KAT6A: variants seen among roughly 807,000 people sequenced by gnomAD.
KAT6A encodes lysine acetyltransferase 6A, also known as histone acetyltransferase KAT6A.
A neutral mutation model predicts 198.4 loss-of-function variants in KAT6A; 9 were observed. The ratio of observed to expected loss-of-function variants is 0.05; its 90% CI spans 0.03 to 0.08. The LOEUF is 0.08. Among genes scored for constraint, KAT6A ranks in the 10% least tolerant of loss-of-function variants. KAT6A has a pLI of 1.00. For missense variants in KAT6A, 2,077 were observed against 2,509.9 expected (o/e 0.83, Z 3.69); for synonymous variants, 890 against 883.0 (o/e 1.01, Z -0.14).
intron 8 of KAT6A, among the ~76,000 whole-genome samples, chr8:41,972,575 C>T (rs1823849953): frequency 6.6e-6 from 1 of 152,104 alleles, no homozygotes; most frequent in Non-Finnish European, 1.5e-5. Flanking sequence ...AAAAATAAAA[C>T]AAGCTCAAAG....
At chr8:42,018,041 A>G (rs745887703) in intron 2 of KAT6A, among the ~76,000 whole-genome samples, 62 of 152,250 alleles carry the variant, frequency 4.1e-4, no homozygotes, top group Non-Finnish European at 6.3e-4. Context: ...TATAGGAGGC[A>G]TGACTAAAGC....
chr8:42,014,427 A>G (rs765209048), intron 2 of KAT6A, among the ~76,000 whole-genome samples: 4 of 152,344 alleles, frequency 2.6e-5, no homozygotes, highest in South Asian at 4.1e-4. Flanking sequence ...TCCACAGAAA[A>G]ATCAATTGAA....
At chr8:42,026,035 T>C (rs1369680967) in intron 2 of KAT6A, among the ~76,000 whole-genome samples, 1 of 152,246 alleles carries the variant, frequency 6.6e-6, no homozygotes, top group African/African-American at 2.4e-5. Flanking sequence ...AAAGAGATTG[T>C]CCTTTCACCA....
In KAT6A at chr8:41,932,281, C is replaced by T. The variant is rs763291738; in HGVS notation, c.5939G>A (p.Gly1980Asp). 3.7e-6 allele frequency: 6 copies of T among 1,614,098 alleles called. No homozygotes were observed. Among genetic ancestry groups the T allele is most frequent in the Non-Finnish European group, 5.1e-6 (6 of 1,179,998 alleles). Residue 1980 changes from glycine to aspartate, a missense_variant, in exon 17 of 17, where the codon GGC (glycine) becomes GAC (aspartate). Gly to Asp is a moderately conservative substitution (Grantham distance 94). This residue lies in a region of KAT6A where 500 missense variants were observed against 577.2 expected (regional missense o/e 0.87). Transcript: ENST00000265713. ...GTTCATGTAGCTGTGATGGGAGGGG[C>T]CTGTGTACATCATGTTCCCATGAGG... ...PNPHGNMMYT[G>D]PSHHSYMNAA...
chr8:42,004,394 CCTT>C (rs1210856229), intron 2 of KAT6A, among the ~76,000 whole-genome samples: 1 of 152,038 alleles, frequency 6.6e-6, no homozygotes, highest in Non-Finnish European at 1.5e-5. Context: ...TAAGCAAAGC[CCTT>C]TTTTTAGACA....
chr8:42,035,485 T>C (rs1587852695), intron 2 of KAT6A, among the ~76,000 whole-genome samples: 1 of 152,120 alleles, frequency 6.6e-6, no homozygotes, highest in African/African-American at 2.4e-5. Context: ...TAGATAACTC[T>C]CTAGAAAACA....
intron 2 of KAT6A, among the ~76,000 whole-genome samples, chr8:42,018,062 C>A (rs1050713173): frequency 6.6e-6 from 1 of 152,166 alleles, no homozygotes; most frequent in Non-Finnish European, 1.5e-5. Flanking sequence ...TGCCAAAGAG[C>A]AATTACTTTA....
In KAT6A at chr8:41,981,827, A is replaced by T; in HGVS notation, c.825+12T>A. On this transcript the variant is annotated intron_variant, in intron 4 of 16. Transcript: ENST00000265713. ...AAATGAAACACCCATATTAGAAGGC[A>T]GAGATACTCACCGCATTTTTGCCTT... 2 of 1,507,206 alleles carry T rather than the reference A, an allele frequency of 1.3e-6. No homozygotes were observed. Among genetic ancestry groups the T allele is most frequent in the South Asian group, 2.3e-5 (2 of 88,694 alleles). The allele number at this position is 1,507,206 out of a possible 1,614,324, so 93.4% of individuals were successfully genotyped here.
chr8:42,020,664 G>A (rs1207769645), intron 2 of KAT6A, among the ~76,000 whole-genome samples: 1 of 152,168 alleles, frequency 6.6e-6, no homozygotes, highest in African/African-American at 2.4e-5. Context: ...TAAAAGATGG[G>A]TTAGTGCTAC....
chr8:41,942,388 C>T, intron 14 of KAT6A: 1 of 254,110 alleles, frequency 3.9e-6, no homozygotes, highest in Non-Finnish European at 7.7e-6. Context: ...TCAAGCAATC[C>T]TCCCGCCTGG....
At chr8:41,964,915 A>C (rs889677243) in intron 8 of KAT6A, among the ~76,000 whole-genome samples, 2 of 152,204 alleles carry the variant, frequency 1.3e-5, no homozygotes, top group African/African-American at 2.4e-5. Flanking sequence ...ATGATAATAA[A>C]ATTCAGACCT....
At chr8:41,936,089 C>A (rs1355936772) in intron 16 of KAT6A, among the ~76,000 whole-genome samples, 1 of 151,950 alleles carries the variant, frequency 6.6e-6, no homozygotes, top group Non-Finnish European at 1.5e-5. Flanking sequence ...TGGTGAAACC[C>A]CGTCTCTACT....
rs575000243 is a variant in KAT6A at position 41,948,407 on chromosome 8, C to G, written c.1741-495G>C. Among the ~76,000 whole-genome samples, 9 of 152,250 alleles carry G rather than the reference C, an allele frequency of 5.9e-5. No homozygotes were observed. In the South Asian group the frequency reaches 1.9e-3, roughly 32 times the overall value. On this transcript the variant is annotated intron_variant, in intron 10 of 16. Transcript: ENST00000265713. Reference sequence around the variant, plus strand: ...CCAGATAAAACTACTTAAGGGGGTACTAACTATTGCCACGCAGAAGCACCA... The same window carrying G: ...CCAGATAAAACTACTTAAGGGGGTAGTAACTATTGCCACGCAGAAGCACCA...
chr8:42,025,267 A>G (rs1826750654), intron 2 of KAT6A, among the ~76,000 whole-genome samples: 2 of 151,902 alleles, frequency 1.3e-5, no homozygotes, highest in African/African-American at 4.8e-5. Context: ...GCTGGAGTGC[A>G]GTGGCATGAT....
chr8:42,000,040 T>C (rs1005867409), intron 2 of KAT6A, among the ~76,000 whole-genome samples: 19 of 152,266 alleles, frequency 1.2e-4, no homozygotes, highest in Admixed American at 1.2e-3. Flanking sequence ...GTTTTAGTTC[T>C]ATTTTAACTT....
chr8:41,955,864 T>C (rs1822894766), intron 8 of KAT6A, among the ~76,000 whole-genome samples: 1 of 152,164 alleles, frequency 6.6e-6, no homozygotes, highest in Non-Finnish European at 1.5e-5. Flanking sequence ...ACACAAAGGA[T>C]GATTTTTTAG....
rs1051866445 is a variant in KAT6A at position 41,931,137 on chromosome 8, CCAA to C, written c.*1065_*1067del. 11 of 222,278 alleles carry C rather than the reference CCAA, an allele frequency of 4.9e-5. No homozygotes were observed. The highest frequency in any genetic ancestry group is 2.9e-4 in the Admixed American group (5 of 17,400). 13.8% of individuals were successfully genotyped at this position (222,278 alleles called of 1,614,324 possible). Reference sequence around the variant, plus strand: ...AATCACTAAAATGTACAGTCATCCACCAACAATTTAAGAAAGAACCTAAGAGGC... The same window carrying C: ...AATCACTAAAATGTACAGTCATCCACCAATTTAAGAAAGAACCTAAGAGGC... On this transcript the variant is annotated 3_prime_UTR_variant, in exon 17 of 17. Coordinates refer to ENST00000265713, the MANE Select transcript of KAT6A (RefSeq NM_006766.5).
chr8:42,032,871 C>CTTTTTTTTTTTTTTTTTTTTT, intron 2 of KAT6A, among the ~76,000 whole-genome samples: 1 of 76,518 alleles, frequency 1.3e-5, no homozygotes, highest in Non-Finnish European at 2.4e-5. Flanking sequence ...AAAACCTTGG[C>CTTTTTTTTTTTTTTTTTTTTT]TTTTTTTTTT....
At chr8:41,936,091 G>A (rs1202600615) in intron 16 of KAT6A, among the ~76,000 whole-genome samples, 8 of 151,846 alleles carry the variant, frequency 5.3e-5, no homozygotes, top group Admixed American at 2.6e-4. Context: ...GTGAAACCCC[G>A]TCTCTACTAA....
Sources: gnomAD v4.1 joint callset for allele counts (sites outside exome capture counted in the v4.1 genomes callset) on GRCh38, gnomAD v4.1.1 for gene constraint, gnomAD v4.1.1 regional missense constraint, MANE v1.5 for transcripts, NCBI Gene and HGNC (gene_info 2026-07-23, HGNC 2026-07-21) for gene names.